The following SLC44A5 variants were observed in gnomAD, a reference collection of about 807,000 sequenced individuals.
The protein encoded by SLC44A5 is choline transporter-like protein 5.
SLC44A5 carries 57 observed loss-of-function variants against 101.8 expected under a neutral mutation model. That is an observed-to-expected ratio of 0.56 (90% CI 0.45 to 0.70). SLC44A5 has a LOEUF of 0.70. Among genes scored for constraint, SLC44A5 ranks in the 30% least tolerant of loss-of-function variants. The pLI is 0.00. For missense variants in SLC44A5, 737 were observed against 853.1 expected (o/e 0.86, Z 1.70); for synonymous variants, 281 against 290.9 (o/e 0.97, Z 0.35).
chr1:75,283,210 T>C (rs1392242880), intron 5 of SLC44A5, among the ~76,000 whole-genome samples: 1 of 152,032 alleles, frequency 6.6e-6, no homozygotes, highest in Non-Finnish European at 1.5e-5. Context: ...TAAGGTGGTA[T>C]TGTGTTGTAG....
intron 1 of SLC44A5, among the ~76,000 whole-genome samples, chr1:75,569,746 C>T (rs1001168398): frequency 8.5e-5 from 13 of 152,310 alleles, no homozygotes; most frequent in African/African-American, 3.1e-4. Flanking sequence ...GTTGTCTGCT[C>T]TTCCATCTAA....
At chr1:75,334,577 T>A (rs1407900088) in intron 4 of SLC44A5, among the ~76,000 whole-genome samples, 2 of 152,138 alleles carry the variant, frequency 1.3e-5, no homozygotes, top group Admixed American at 6.5e-5. Context: ...CTAGTTTGAT[T>A]GTAGTTACAT....
intron 4 of SLC44A5, among the ~76,000 whole-genome samples, chr1:75,328,846 G>A (rs933238633): frequency 3.9e-5 from 6 of 152,140 alleles, no homozygotes; most frequent in Admixed American, 2.6e-4. Flanking sequence ...CTCACGTGCT[G>A]TGATCCGCAT....
intron 2 of SLC44A5, among the ~76,000 whole-genome samples, chr1:75,492,802 A>G (rs1668491334): frequency 6.6e-6 from 1 of 152,214 alleles, no homozygotes; most frequent in African/African-American, 2.4e-5. Context: ...TTCCTTTGGT[A>G]ACAAATTCTA....
At chr1:75,298,392 A>C (rs1484538754) in intron 5 of SLC44A5, among the ~76,000 whole-genome samples, 1 of 152,192 alleles carries the variant, frequency 6.6e-6, no homozygotes, top group Non-Finnish European at 1.5e-5. Flanking sequence ...ACTACTCAAC[A>C]CAGTTTTTTA....
At chr1:75,374,313 A>T (rs1660423855) in intron 3 of SLC44A5, among the ~76,000 whole-genome samples, 1 of 152,166 alleles carries the variant, frequency 6.6e-6, no homozygotes, top group South Asian at 2.1e-4. Context: ...GAATCACCAG[A>T]CTACCTGCAG....
At position 75,593,488 on chromosome 1, in the gene SLC44A5, T is replaced by C. The variant is rs190696291; in HGVS notation, c.-70+17552A>G. On this transcript the variant is annotated intron_variant, in intron 1 of 23. Transcript: ENST00000370859. ...GATCCAGCAATCCCACTGCTAGATA[T>C]ATACCCAAAAGAAAGGAAATCAGTA... is the stretch of plus-strand genomic sequence containing the variant. 1.8e-3 allele frequency among the ~76,000 whole-genome samples: 270 copies of C among 152,208 alleles called. 1 individual carries two copies. The highest frequency in any genetic ancestry group is 6.0e-3 in the African/African-American group (250 of 41,538).
chr1:75,598,177 T>C (rs1312290424), intron 1 of SLC44A5, among the ~76,000 whole-genome samples: 1 of 151,714 alleles, frequency 6.6e-6, no homozygotes, highest in African/African-American at 2.4e-5. Context: ...AACAATCATA[T>C]GAGAAAAAGC....
At chr1:75,510,261 GA>G (rs1421649811) in intron 2 of SLC44A5, among the ~76,000 whole-genome samples, 1 of 152,100 alleles carries the variant, frequency 6.6e-6, no homozygotes, top group Non-Finnish European at 1.5e-5. Context: ...AGACAGTCAT[GA>G]AAAAACTAAA....
intron 1 of SLC44A5, among the ~76,000 whole-genome samples, chr1:75,563,476 T>A (rs1175860227): frequency 6.6e-6 from 1 of 151,776 alleles, no homozygotes; most frequent in Non-Finnish European, 1.5e-5. Context: ...TTTTCTACTG[T>A]ATCATCCCAG....
intron 1 of SLC44A5, among the ~76,000 whole-genome samples, chr1:75,588,028 T>C (rs1674118679): frequency 6.6e-6 from 1 of 152,096 alleles, no homozygotes; most frequent in Admixed American, 6.6e-5. Flanking sequence ...TGGTCATTTG[T>C]GGGTATACAC....
chr1:75,539,373 T>C (rs1026141617), intron 2 of SLC44A5, among the ~76,000 whole-genome samples: 5 of 151,558 alleles, frequency 3.3e-5, no homozygotes, highest in African/African-American at 1.2e-4. Flanking sequence ...TAATAATATC[T>C]AGCACAGCTT....
chr1:75,348,245 C>T (rs1658397368), intron 3 of SLC44A5, among the ~76,000 whole-genome samples: 1 of 151,620 alleles, frequency 6.6e-6, no homozygotes, highest in Admixed American at 6.6e-5. Context: ...ATAAAATTGA[C>T]AAAATAGTGG....
At chr1:75,371,907 T>C (rs1660250141) in intron 3 of SLC44A5, among the ~76,000 whole-genome samples, 4 of 152,082 alleles carry the variant, frequency 2.6e-5, no homozygotes, top group Admixed American at 2.6e-4. Context: ...ATATAAAAGC[T>C]CCAAGGTAGC....
intron 6 of SLC44A5, among the ~76,000 whole-genome samples, chr1:75,273,615 C>T (rs1651674522): frequency 6.6e-6 from 1 of 152,056 alleles, no homozygotes; most frequent in South Asian, 2.1e-4. Flanking sequence ...AATGCTTTTT[C>T]TGCATCTATT....
chr1:75,536,473 C>A (rs550660865), intron 2 of SLC44A5, among the ~76,000 whole-genome samples: 9 of 150,956 alleles, frequency 6.0e-5, no homozygotes, highest in African/African-American at 2.2e-4. Flanking sequence ...TGGTGGCGGG[C>A]GCCTGTAGTC....
rs535455614 is a variant in SLC44A5, at chr1:75,373,304, G to A, written c.52+23279C>T. Among the ~76,000 whole-genome samples, 100 of 152,144 alleles carry A rather than the reference G, an allele frequency of 6.6e-4. No homozygotes were observed. The Middle Eastern group carries it at 0.014, about 21-fold the overall frequency. On this transcript the variant is annotated intron_variant, in intron 3 of 23. Transcript: ENST00000370859. ...ACTGGGAAGCCTGCATGGAGTCACC[G>A]AGCACCAAGACCAGCTCCTGGCCCT...
At chr1:75,718,998 A>T in the SLC44A5 span, among the ~76,000 whole-genome samples, 1 of 152,176 alleles carries the variant, frequency 6.6e-6, no homozygotes, top group Non-Finnish European at 1.5e-5. Flanking sequence ...AATAGGACAC[A>T]ATTGGAGACA....
chr1:75,720,884 C>T, the SLC44A5 span, among the ~76,000 whole-genome samples: 1 of 151,952 alleles, frequency 6.6e-6, no homozygotes, highest in Non-Finnish European at 1.5e-5. Flanking sequence ...GGGGGAGGTT[C>T]CAGGTTATAG....
Sources: gnomAD v4.1 joint callset for allele counts (sites outside exome capture counted in the v4.1 genomes callset) on GRCh38, gnomAD v4.1.1 for gene constraint, MANE v1.5 for transcripts, NCBI Gene and HGNC (gene_info 2026-07-23, HGNC 2026-07-21) for gene names.